The following TSHZ2 variants were observed in gnomAD, a reference collection of about 807,000 sequenced individuals.
TSHZ2 encodes the protein teashirt zinc finger homeobox 2, also known as teashirt homolog 2.
TSHZ2 carries 21 observed loss-of-function variants against 74.4 expected under a neutral mutation model. That is an observed-to-expected ratio of 0.28 (90% confidence interval 0.20 to 0.41). TSHZ2 has a LOEUF of 0.41. Among genes scored for constraint, TSHZ2 ranks in the 10% least tolerant of loss-of-function variants. TSHZ2 has a pLI of 1.00. For synonymous variants in TSHZ2, 540 were observed against 515.3 expected (o/e 1.05, Z -0.65); for missense variants, 1,244 against 1,293.5 (o/e 0.96, Z 0.59).
rs1284195865 is a variant in TSHZ2 at position 53,490,155 on chromosome 20, T to C, written c.*3020T>C. ...ACCACCAACCAGCTGCAAATTGAGA[T>C]GTCCATTTAAAAATTTATATGTCAA... On this transcript the variant is annotated 3_prime_UTR_variant, in exon 3 of 3. Coordinates refer to ENST00000371497, the MANE Select transcript of TSHZ2 (RefSeq NM_173485.6). 1 of 152,184 alleles carries C rather than the reference T, an allele frequency of 6.6e-6. No individual in the cohort carries two copies. The highest frequency in any genetic ancestry group is 1.5e-5 in the Non-Finnish European group (1 of 68,022). The allele number at this position is 152,184 out of a possible 1,614,324, so 9.4% of individuals were successfully genotyped here. A position where few individuals can be genotyped will look rare whatever the true frequency, so the allele number is the denominator to read the frequency against.
chr20:53,134,412 A>G (rs1316808976), intron 1 of TSHZ2, among the ~76,000 whole-genome samples: 1 of 152,220 alleles, frequency 6.6e-6, no homozygotes, highest in African/African-American at 2.4e-5. Flanking sequence ...ACACTGTAGA[A>G]TGTTTAGTGT....
chr20:53,188,405 A>G (rs756993355), intron 1 of TSHZ2, among the ~76,000 whole-genome samples: 2 of 152,240 alleles, frequency 1.3e-5, no homozygotes, highest in South Asian at 2.1e-4. Flanking sequence ...ACATTGGACT[A>G]GAGATACAAG....
chr20:53,058,570 A>G (rs908987873), intron 1 of TSHZ2, among the ~76,000 whole-genome samples: 7 of 152,134 alleles, frequency 4.6e-5, no homozygotes, highest in African/African-American at 1.7e-4. Flanking sequence ...CATGAAGCTG[A>G]CCCCGTTAGT....
At chr20:53,122,623 G>A (rs1986842895) in intron 1 of TSHZ2, among the ~76,000 whole-genome samples, 1 of 152,098 alleles carries the variant, frequency 6.6e-6, no homozygotes, top group African/African-American at 2.4e-5. Context: ...AGCCTGTTGG[G>A]TTACGGGGAG....
At chr20:53,360,108 C>A (rs1385624393) in intron 2 of TSHZ2, among the ~76,000 whole-genome samples, 2 of 152,186 alleles carry the variant, frequency 1.3e-5, no homozygotes, top group Non-Finnish European at 2.9e-5. Context: ...ATAGCCCTTG[C>A]TGAGTTTCTG....
intron 2 of TSHZ2, among the ~76,000 whole-genome samples, chr20:53,420,480 A>G (rs538127381): frequency 6.4e-4 from 98 of 152,348 alleles, no homozygotes; most frequent in African/African-American, 2.1e-3. Flanking sequence ...CTGTAATCCC[A>G]GCACATGAGG....
At chr20:53,336,243 C>A (rs1256866415) in intron 2 of TSHZ2, among the ~76,000 whole-genome samples, 1 of 152,146 alleles carries the variant, frequency 6.6e-6, no homozygotes, top group African/African-American at 2.4e-5. Context: ...AAGTACACTG[C>A]CAAGAAAGGC....
At position 53,270,704 on chromosome 20, in the gene TSHZ2, C is replaced by A. The variant is rs150702841; in HGVS notation, c.*8+14133C>A. Among the ~76,000 whole-genome samples, 332 of 152,254 alleles carry A rather than the reference C, an allele frequency of 2.2e-3. 2 individuals carry two copies. Among genetic ancestry groups the A allele is most frequent in the Middle Eastern group, 6.8e-3 (2 of 294 alleles). ...GCTTAAATATCCCCAAAATTCAAATCTTTGACCAAGGCAACTTTCTACCAC... is the reference window on the plus strand; with the variant it reads ...GCTTAAATATCCCCAAAATTCAAATATTTGACCAAGGCAACTTTCTACCAC... On this transcript the variant is annotated intron_variant, in intron 2 of 2. Transcript: ENST00000371497.
chr20:53,251,831 G>A (rs1360719076), intron 1 of TSHZ2, among the ~76,000 whole-genome samples: 1 of 152,162 alleles, frequency 6.6e-6, no homozygotes. Flanking sequence ...AAATTCCACT[G>A]CTTAACCTTT....
chr20:52,978,957 A>AT lies in TSHZ2; in HGVS notation c.40+5634dup, dbSNP rs148833773. On this transcript the variant is annotated intron_variant, in intron 1 of 2. Coordinates refer to ENST00000371497, the MANE Select transcript of TSHZ2 (RefSeq NM_173485.6). ...TAATTTGTAACAATTGGTATTTTTA[A>AT]TTTTTTTTTTAAGTTTTACAAGTTC... Among the ~76,000 whole-genome samples, 126 of 150,260 alleles carry AT rather than the reference A, an allele frequency of 8.4e-4. No homozygotes were observed. In the East Asian group the frequency reaches 8.8e-3, roughly 10 times the overall value.
chr20:52,994,024 G>C (rs1229223659), intron 1 of TSHZ2, among the ~76,000 whole-genome samples: 1 of 152,216 alleles, frequency 6.6e-6, no homozygotes, highest in Non-Finnish European at 1.5e-5. Context: ...CTTGGAAACT[G>C]CTTGGAGGAA....
intron 2 of TSHZ2, among the ~76,000 whole-genome samples, chr20:53,459,625 G>A (rs185606446): frequency 1.7e-4 from 24 of 141,754 alleles, no homozygotes; most frequent in Non-Finnish European, 3.0e-4. Context: ...GATTTTGCTC[G>A]TTAGTTGATG....
chr20:53,466,357 A>G lies in TSHZ2; in HGVS notation c.*9-20787A>G, dbSNP rs983594726. Reference sequence around the variant, plus strand: ...ATACCGTTCTTATTAAATGCCAGCAACTCACATTTTAGGCAGCAGTAAAGT... The same window carrying G: ...ATACCGTTCTTATTAAATGCCAGCAGCTCACATTTTAGGCAGCAGTAAAGT... On this transcript the variant is annotated intron_variant, in intron 2 of 2. Transcript: ENST00000371497. Among the ~76,000 whole-genome samples, 4 of 152,184 alleles carry G rather than the reference A, an allele frequency of 2.6e-5. No homozygotes were observed. The East Asian group carries it at 7.7e-4, about 29-fold the overall frequency.
intron 1 of TSHZ2, among the ~76,000 whole-genome samples, chr20:53,224,321 G>C (rs1240481259): frequency 6.6e-6 from 1 of 152,192 alleles, no homozygotes; most frequent in African/African-American, 2.4e-5. Flanking sequence ...GAGCAATAAA[G>C]TGTGAAAGGC....
chr20:52,979,857 G>A lies in TSHZ2; in HGVS notation c.40+6524G>A, dbSNP rs141485453. The stretch of plus-strand genomic sequence containing the variant: ...TAGCTATGCATAACAACAGGAAAAC[G>A]CACAATGCAAAAGTTTTAGAGATAA... On this transcript the variant is annotated intron_variant, in intron 1 of 2. Transcript: ENST00000371497. Among the ~76,000 whole-genome samples the A allele has an allele frequency of 3.2e-4, 49 of 152,242 alleles. No individual in the cohort carries two copies. The East Asian group carries it at 9.1e-3, about 28-fold the overall frequency.
chr20:53,146,927 A>G (rs1003557917), intron 1 of TSHZ2, among the ~76,000 whole-genome samples: 13 of 152,292 alleles, frequency 8.5e-5, no homozygotes, highest in African/African-American at 2.9e-4. Context: ...AACCACCTGA[A>G]CCATTGACCT....
chr20:53,136,340 A>G (rs1987245093), intron 1 of TSHZ2, among the ~76,000 whole-genome samples: 2 of 152,310 alleles, frequency 1.3e-5, no homozygotes, highest in African/African-American at 4.8e-5. Context: ...TGGTGCATGC[A>G]TTTACCAAAT....
In TSHZ2 at chr20:52,973,189, A is replaced by G; in HGVS notation, c.-105A>G. ...GAGGCCGAGTGACGTCCTAGGAGCC[A>G]CCGGGCAAGAGGCGGAGGAGACCCA... On this transcript the variant is annotated 5_prime_UTR_variant, in exon 1 of 3. Transcript: ENST00000371497. 1 of 1,469,074 alleles carries G rather than the reference A, an allele frequency of 6.8e-7. No homozygotes were observed. The highest frequency in any genetic ancestry group is 9.3e-7 in the Non-Finnish European group (1 of 1,077,868). The allele number at this position is 1,469,074 out of a possible 1,614,324, so 91.0% of individuals were successfully genotyped here. A position where few individuals can be genotyped will look rare whatever the true frequency, so the allele number is the denominator to read the frequency against.
At chr20:53,175,532 C>T (rs867132517) in intron 1 of TSHZ2, among the ~76,000 whole-genome samples, 2 of 151,130 alleles carry the variant, frequency 1.3e-5, no homozygotes, top group Admixed American at 6.6e-5. Flanking sequence ...CTTATATCAA[C>T]GGCTTTCTTC....
Sources: allele counts gnomAD v4.1 joint callset (sites outside exome capture counted in the v4.1 genomes callset), GRCh38; gene constraint gnomAD v4.1.1; transcripts MANE v1.5; gene names NCBI Gene and HGNC (gene_info 2026-07-23, HGNC 2026-07-21).